Variants in TIGAR observed in about 807,000 individuals in gnomAD.
TIGAR encodes TP53 induced glycolysis regulatory phosphatase.
Under a neutral mutation model 17.9 loss-of-function variants are expected in TIGAR, and 7 were observed. That is an observed-to-expected ratio of 0.39 (90% CI 0.22 to 0.73). TIGAR has a LOEUF of 0.73. Among genes scored for constraint, TIGAR ranks in the 30% least tolerant of loss-of-function variants. TIGAR has a pLI of 0.42. For missense variants in TIGAR, 258 were observed against 327.4 expected, an observed-to-expected ratio of 0.79 and a Z score of 1.64; for synonymous variants, 94 against 108.6, an observed-to-expected ratio of 0.87 and a Z score of 0.84.
chr12:4,346,472 G>A (rs1267683432), intron 3 of TIGAR, among the ~76,000 whole-genome samples: 1 of 152,100 alleles, frequency 6.6e-6, no homozygotes, highest in Non-Finnish European at 1.5e-5. Context: ...AGATGAAGCT[G>A]GAAACCATCA....
rs142049886 is a variant in TIGAR at position 4,321,230 on chromosome 12, C to G, written c.-42C>G. 6.3e-7 allele frequency: 1 copy of G among 1,598,232 alleles called. No homozygotes were observed. The highest frequency in any genetic ancestry group is 8.5e-7 in the Non-Finnish European group (1 of 1,179,508). On this transcript the variant is annotated 5_prime_UTR_variant, in exon 1 of 6. Transcript: ENST00000179259. This position sits in a 1 kb window ranked among gnomAD's most constrained non-coding sequence, Gnocchi z 5.2. ...GGGGAGGTAGCCCGCAGTGCAGGGG[C>G]AGCGCGGCGCGGGGCCACCGACGGG...
intron 3 of TIGAR, among the ~76,000 whole-genome samples, chr12:4,349,127 G>C (rs1413840698): frequency 1.3e-5 from 2 of 148,362 alleles, no homozygotes; most frequent in Non-Finnish European, 2.9e-5. Context: ...TTTCTGTAAA[G>C]AGCCAGATAG....
chr12:4,346,403 CACCATGGAAT>C (rs1325269177), intron 3 of TIGAR, among the ~76,000 whole-genome samples: 2 of 152,144 alleles, frequency 1.3e-5, no homozygotes, highest in Admixed American at 6.5e-5. Flanking sequence ...GGCACATATA[CACCATGGAAT>C]ACTATGCAGC....
Position 4,321,408 on chromosome 12 carries a change from C to G in TIGAR, c.32+105C>G, listed in dbSNP as rs2120635365. ...CCACCCTCTCCCCTCCCTGCTCGCT[C>G]CAGCCCGGGAGGGCTGGCTTGGAAG... On this transcript the variant is annotated intron_variant, in intron 1 of 5. Transcript: ENST00000179259. The surrounding 1 kb of genome is among the most constrained non-coding windows in gnomAD (Gnocchi z 5.2). 1 of 1,525,754 alleles carries G rather than the reference C, an allele frequency of 6.6e-7. No homozygotes were observed. Among genetic ancestry groups the G allele is most frequent in the Non-Finnish European group, 8.9e-7 (1 of 1,122,690 alleles). 94.5% of individuals were successfully genotyped at this position (1,525,754 alleles called of 1,614,324 possible). A position where few individuals can be genotyped will look rare whatever the true frequency, so the allele number is the denominator to read the frequency against.
chr12:4,346,060 C>T (rs1436522905), intron 3 of TIGAR, among the ~76,000 whole-genome samples: 4 of 152,136 alleles, frequency 2.6e-5, no homozygotes, highest in South Asian at 2.1e-4. Context: ...AATGAGATAC[C>T]GTCTCACACC....
In TIGAR at chr12:4,357,886, G is replaced by A. The variant is rs974735654; in HGVS notation, c.*5195G>A. On this transcript the variant is annotated 3_prime_UTR_variant, in exon 6 of 6. Transcript: ENST00000179259. Reference sequence around the variant, plus strand: ...TGGGAGGCCAAGGCGGGCAGATCACGAGGTCAGGAGATAGAGACCATCCTG... The same window carrying A: ...TGGGAGGCCAAGGCGGGCAGATCACAAGGTCAGGAGATAGAGACCATCCTG... Among the ~76,000 whole-genome samples the A allele has an allele frequency of 4.7e-5, 7 of 149,122 alleles. No individual in the cohort carries two copies. The highest frequency in any genetic ancestry group is 8.9e-5 in the Non-Finnish European group (6 of 67,252).
At chr12:4,350,796 A>G (rs1248616652) in intron 4 of TIGAR, among the ~76,000 whole-genome samples, 1 of 151,854 alleles carries the variant, frequency 6.6e-6, no homozygotes, top group African/African-American at 2.4e-5. Flanking sequence ...AAAAAGAAAA[A>G]AAAAGAAATA....
In TIGAR at chr12:4,321,397, C is replaced by G. The variant is rs548056169; in HGVS notation, c.32+94C>G. 6.5e-7 allele frequency: 1 copy of G among 1,546,476 alleles called. No individual in the cohort carries two copies. Among genetic ancestry groups the G allele is most frequent in the African/African-American group, 1.4e-5 (1 of 73,216 alleles). ...AAACGGGTCCACCACCCTCTCCCCT[C>G]CCTGCTCGCTCCAGCCCGGGAGGGC... On this transcript the variant is annotated intron_variant, in intron 1 of 5. Coordinates refer to ENST00000179259, the MANE Select transcript of TIGAR (RefSeq NM_020375.3). This position sits in a 1 kb window ranked among gnomAD's most constrained non-coding sequence, Gnocchi z 5.2.
chr12:4,330,863 G>C (rs1864596237), intron 1 of TIGAR, among the ~76,000 whole-genome samples: 1 of 152,220 alleles, frequency 6.6e-6, no homozygotes, highest in African/African-American at 2.4e-5. Context: ...ATTCCATTCA[G>C]ATTCTCTTTC....
chr12:4,347,524 A>G (rs1180250935), intron 3 of TIGAR, among the ~76,000 whole-genome samples: 1 of 152,190 alleles, frequency 6.6e-6, no homozygotes, highest in Non-Finnish European at 1.5e-5. Context: ...ATGTAATTGT[A>G]CATTTGAAAA....
chr12:4,347,451 AAAAG>A (rs1864793357), intron 3 of TIGAR, among the ~76,000 whole-genome samples: 1 of 152,320 alleles, frequency 6.6e-6, no homozygotes, highest in African/African-American at 2.4e-5. Flanking sequence ...AATGGGTACA[AAAAG>A]AAAGAATGAA....
At chr12:4,351,479 T>A (rs1864838052) in intron 5 of TIGAR, 102 bp downstream of exon 5, 1 of 846,744 alleles carries the variant, frequency 1.2e-6, no homozygotes, top group African/African-American at 1.7e-5. Flanking sequence ...TTCATTCTCT[T>A]TTCCATTTTA....
intron 1 of TIGAR, among the ~76,000 whole-genome samples, chr12:4,329,999 A>G (rs1864587402): frequency 6.6e-6 from 1 of 152,102 alleles, no homozygotes; most frequent in African/African-American, 2.4e-5. Context: ...AGACTACCTA[A>G]AAGAACCAGT....
At chr12:4,327,399 A>G (rs1194011517) in intron 1 of TIGAR, among the ~76,000 whole-genome samples, 1 of 149,140 alleles carries the variant, frequency 6.7e-6, no homozygotes, top group East Asian at 2.0e-4. Context: ...GCAGAGTGAG[A>G]CCCCATCTCA....
chr12:4,339,440 G>C lies in TIGAR; in HGVS notation c.192+2280G>C, dbSNP rs570857105. Among the ~76,000 whole-genome samples the C allele has an allele frequency of 8.9e-4, 135 of 152,294 alleles. 2 individuals carry two copies. Among genetic ancestry groups the C allele is most frequent in the Admixed American group, 8.5e-4 (13 of 15,296 alleles). ...CCCAGTAAAGAAGAGTCTGGGACCT[G>C]ATGGCTTCACTGCTGAATTCTACCA... On this transcript the variant is annotated intron_variant, in intron 3 of 5. Transcript: ENST00000179259.
intron 2 of TIGAR, 80 bp from the exon 3 acceptor site, chr12:4,336,959 C>A: frequency 1.5e-6 from 2 of 1,357,750 alleles, no homozygotes; most frequent in Admixed American, 2.5e-5. Context: ...ATAAATGCAG[C>A]TTATATTTTC....
intron 3 of TIGAR, among the ~76,000 whole-genome samples, chr12:4,337,654 G>GA (rs796193517): frequency 6.6e-6 from 1 of 151,564 alleles, no homozygotes; most frequent in Non-Finnish European, 1.5e-5. Flanking sequence ...GAGTAGCCTA[G>GA]AAAAAAAAGT....
chr12:4,325,972 G>T (rs936105599), intron 1 of TIGAR, among the ~76,000 whole-genome samples: 2 of 152,102 alleles, frequency 1.3e-5, no homozygotes, highest in African/African-American at 4.8e-5. Flanking sequence ...TCCTTAAATG[G>T]AATTAAGGGA....
chr12:4,352,948 G>T lies in TIGAR; in HGVS notation c.*257G>T. On this transcript the variant is annotated 3_prime_UTR_variant, in exon 6 of 6. Transcript: ENST00000179259. ...CATCTCTGGATTGCACATGGATGAT[G>T]AAGGAACTCAGCATTGAAAGTTGGG... 1 of 413,368 alleles carries T rather than the reference G, an allele frequency of 2.4e-6. No individual in the cohort carries two copies. Among genetic ancestry groups the T allele is most frequent in the Non-Finnish European group, 4.3e-6 (1 of 232,576 alleles). 25.6% of individuals were successfully genotyped at this position (413,368 alleles called of 1,614,324 possible). A position where few individuals can be genotyped will look rare whatever the true frequency, so the allele number is the denominator to read the frequency against.
Sources: allele counts gnomAD v4.1 joint callset (sites outside exome capture counted in the v4.1 genomes callset), GRCh38; gene constraint gnomAD v4.1.1; non-coding constraint Gnocchi (gnomAD v3.1); transcripts MANE v1.5; gene names NCBI Gene and HGNC (gene_info 2026-07-23, HGNC 2026-07-21).